The following AGMO variants were observed in gnomAD, a reference collection of about 807,000 sequenced individuals.
AGMO encodes glyceryl-ether monooxygenase.
In AGMO, 75 loss-of-function variants were observed where a neutral mutation model predicts 60.2. The observed-to-expected ratio is 1.25, with a 90% confidence interval of 1.03 to 1.51. The LOEUF is 1.51. AGMO is among the 40% of genes most tolerant of loss of function. AGMO has a pLI of 0.00. For synonymous variants in AGMO, 261 were observed against 177.1 expected, an observed-to-expected ratio of 1.47 and a Z score of -3.76; for missense variants, 763 against 525.5, an observed-to-expected ratio of 1.45 and a Z score of -4.42.
intron 12 of AGMO, among the ~76,000 whole-genome samples, chr7:15,250,834 A>C (rs961713030): frequency 1.6e-4 from 24 of 151,752 alleles, no homozygotes; most frequent in African/African-American, 4.6e-4. Flanking sequence ...AATCCCAGCT[A>C]CTCGGGAGGC....
chr7:15,253,341 A>T (rs1782996092), intron 12 of AGMO, among the ~76,000 whole-genome samples: 1 of 152,160 alleles, frequency 6.6e-6, no homozygotes, highest in African/African-American at 2.4e-5. Context: ...TTCTTTTATT[A>T]CTTTGACTTT....
intron 10 of AGMO, among the ~76,000 whole-genome samples, chr7:15,370,674 A>G (rs1739968069): frequency 6.9e-6 from 1 of 145,112 alleles, no homozygotes; most frequent in South Asian, 2.3e-4. Context: ...TTTGTTGGAT[A>G]CTTGTATGTC....
chr7:15,340,115 T>C (rs1488708961), intron 12 of AGMO, among the ~76,000 whole-genome samples: 2 of 152,178 alleles, frequency 1.3e-5, no homozygotes, highest in Non-Finnish European at 2.9e-5. Flanking sequence ...ATAAGGTATC[T>C]TGAGGATGGA....
intron 12 of AGMO, among the ~76,000 whole-genome samples, chr7:15,310,340 CTG>C (rs1335984128): frequency 1.3e-5 from 2 of 152,046 alleles, no homozygotes; most frequent in East Asian, 3.9e-4. Flanking sequence ...CTGCATGACT[CTG>C]GAGTAAGGGG....
chr7:15,522,947 T>C (rs1476412128), intron 3 of AGMO, among the ~76,000 whole-genome samples: 1 of 152,154 alleles, frequency 6.6e-6, no homozygotes, highest in Non-Finnish European at 1.5e-5. Context: ...AATCTATCCA[T>C]CTGACAAAGG....
At chr7:15,336,862 G>T (rs189311890) in intron 12 of AGMO, among the ~76,000 whole-genome samples, 2 of 152,242 alleles carry the variant, frequency 1.3e-5, no homozygotes, top group East Asian at 3.9e-4. Context: ...GGCCTAAATT[G>T]TATTTACATT....
rs113187621 is a variant in AGMO, at chr7:15,500,953, A to G, written c.409+43819T>C. ...TCCCCTTAACTTCATTATTTACCCA[A>G]AAGAAGCAGGTTGTTTAATTTCTAT... On this transcript the variant is annotated intron_variant, in intron 3 of 12. Coordinates refer to ENST00000342526, the MANE Select transcript of AGMO (RefSeq NM_001004320.2). Among the ~76,000 whole-genome samples the G allele has an allele frequency of 5.9e-4, 89 of 152,076 alleles. 1 individual carries two copies. Among genetic ancestry groups the G allele is most frequent in the African/African-American group, 2.1e-3 (86 of 41,534 alleles).
chr7:15,523,143 A>T (rs1376028247), intron 3 of AGMO, among the ~76,000 whole-genome samples: 1 of 152,230 alleles, frequency 6.6e-6, no homozygotes, highest in African/African-American at 2.4e-5. Flanking sequence ...CCACAATGAG[A>T]TACCATCTCA....
intron 12 of AGMO, among the ~76,000 whole-genome samples, chr7:15,336,797 A>G (rs1172276622): frequency 1.3e-5 from 2 of 152,226 alleles, no homozygotes; most frequent in African/African-American, 4.8e-5. Flanking sequence ...AAAAGCATTT[A>G]TTAAGTAATT....
the AGMO span, among the ~76,000 whole-genome samples, chr7:15,132,611 C>T: frequency 6.6e-6 from 1 of 152,162 alleles, no homozygotes; most frequent in African/African-American, 2.4e-5. Flanking sequence ...GTGATACAAG[C>T]AAAGTGGATT....
intron 3 of AGMO, among the ~76,000 whole-genome samples, chr7:15,481,668 C>G (rs1332651691): frequency 6.6e-6 from 1 of 151,668 alleles, no homozygotes; most frequent in African/African-American, 2.4e-5. Flanking sequence ...AAGAAGCAGG[C>G]AAAATACTTA....
intron 12 of AGMO, among the ~76,000 whole-genome samples, chr7:15,282,015 A>G (rs529448772): frequency 4.8e-4 from 73 of 152,310 alleles, no homozygotes; most frequent in African/African-American, 1.7e-3. Context: ...TTAGCTTTCA[A>G]TCTGCTATAA....
At chr7:15,158,078 A>C in the AGMO span, among the ~76,000 whole-genome samples, 483 of 152,280 alleles carry the variant, frequency 3.2e-3, 3 homozygotes, top group African/African-American at 0.011. Flanking sequence ...GACTGTATTG[A>C]TATAAAGACA....
intron 12 of AGMO, among the ~76,000 whole-genome samples, chr7:15,352,528 T>C (rs141887136): frequency 4.0e-5 from 6 of 151,434 alleles, no homozygotes; most frequent in Non-Finnish European, 8.8e-5. Context: ...CGTTTGGGTG[T>C]TCAGGGGAGG....
intron 3 of AGMO, among the ~76,000 whole-genome samples, chr7:15,437,531 C>CTTT (rs201021445): frequency 7.5e-5 from 9 of 120,600 alleles, no homozygotes; most frequent in East Asian, 4.4e-4. Flanking sequence ...AAATTTTTTC[C>CTTT]TTTTTTTTTT....
intron 12 of AGMO, among the ~76,000 whole-genome samples, chr7:15,209,203 G>C (rs1583293257): frequency 6.6e-6 from 1 of 152,102 alleles, no homozygotes; most frequent in Admixed American, 6.6e-5. Flanking sequence ...TAAATAAAGA[G>C]TCTAAGGCAT....
chr7:15,142,038 A>G, the AGMO span, among the ~76,000 whole-genome samples: 6 of 152,166 alleles, frequency 3.9e-5, no homozygotes, highest in Non-Finnish European at 8.8e-5. Context: ...TGCCTGATCC[A>G]TGAGGTATTC....
At chr7:15,290,834 C>A (rs1480001340) in intron 12 of AGMO, among the ~76,000 whole-genome samples, 1 of 152,074 alleles carries the variant, frequency 6.6e-6, no homozygotes, top group Admixed American at 6.5e-5. Flanking sequence ...ATTTTGAGAT[C>A]TTACACTAGA....
intron 12 of AGMO, among the ~76,000 whole-genome samples, chr7:15,204,315 C>A (rs957200929): frequency 2.0e-5 from 3 of 152,022 alleles, no homozygotes; most frequent in Admixed American, 2.0e-4. Context: ...TTTTGTATTA[C>A]GCCATTTATT....
Sources: gnomAD v4.1 joint callset for allele counts (sites outside exome capture counted in the v4.1 genomes callset) on GRCh38, gnomAD v4.1.1 for gene constraint, MANE v1.5 for transcripts, NCBI Gene and HGNC (gene_info 2026-07-23, HGNC 2026-07-21) for gene names.